DMD: variants seen among roughly 807,000 people sequenced by gnomAD.
The protein encoded by DMD is dystrophin.
In DMD, 63 loss-of-function variants were observed where a neutral mutation model predicts 330.1. That is an observed-to-expected ratio of 0.19 (90% CI 0.16 to 0.24). The LOEUF (loss-of-function observed/expected upper bound fraction) is 0.24. Among genes scored for constraint, DMD ranks in the 10% least tolerant of loss-of-function variants. The probability of loss-of-function intolerance (pLI) is 1.00; values close to 1 mark genes in which losing one functional copy is unlikely to be tolerated. For synonymous variants in DMD, 1,223 were observed against 959.8 expected, an observed-to-expected ratio of 1.27 and a Z score of -5.07; for missense variants, 3,344 against 2,684.1, an observed-to-expected ratio of 1.25 and a Z score of -5.43.
intron 43 of DMD, among the ~76,000 whole-genome samples, chrX:32,280,719 G>A (rs2097417598): frequency 1.8e-5 from 2 of 111,938 alleles, no homozygotes; most frequent in Admixed American, 9.5e-5. Context: ...TTATGCATCT[G>A]TCCCTCTAGC....
intron 9 of DMD, among the ~76,000 whole-genome samples, chrX:32,695,888 G>C (rs192510211): frequency 2.7e-4 from 30 of 112,419 alleles, no homozygotes; most frequent in African/African-American, 9.7e-4. Context: ...ACACAGAATA[G>C]TCAGAGAGGA....
chrX:32,446,846 A>C (rs1211726347), intron 27 of DMD, among the ~76,000 whole-genome samples: 2 of 110,616 alleles, frequency 1.8e-5, no homozygotes. Context: ...ATTCCAAACC[A>C]GTGAAAAAGG....
chrX:32,705,395 A>G (rs937038064), intron 7 of DMD, among the ~76,000 whole-genome samples: 57 of 112,208 alleles, frequency 5.1e-4, no homozygotes, highest in Non-Finnish European at 1.9e-5. Flanking sequence ...ATAAAAAGTA[A>G]TGGCCTATAT....
intron 51 of DMD, among the ~76,000 whole-genome samples, chrX:31,748,481 T>A (rs1374977535): frequency 8.9e-6 from 1 of 111,875 alleles, no homozygotes; most frequent in Non-Finnish European, 1.9e-5. Context: ...GCCCCTAATA[T>A]CTATCCATTT....
At chrX:31,363,357 A>G (rs1378466925) in intron 60 of DMD, among the ~76,000 whole-genome samples, 3 of 105,354 alleles carry the variant, frequency 2.8e-5, no homozygotes, top group African/African-American at 1.0e-4. Flanking sequence ...CTTTCAGTAC[A>G]CATAAGACAT....
chrX:33,000,360 T>A, intron 2 of DMD, among the ~76,000 whole-genome samples: 1 of 112,380 alleles, frequency 8.9e-6, no homozygotes, highest in South Asian at 3.7e-4. Context: ...TTGTTTCAAA[T>A]TAAGATTTTA....
At chrX:31,510,650 G>A (rs752968308) in intron 55 of DMD, among the ~76,000 whole-genome samples, 1 of 108,782 alleles carries the variant, frequency 9.2e-6, no homozygotes, top group African/African-American at 3.4e-5. Flanking sequence ...TGGGACTATA[G>A]GCGCCCGCCA....
chrX:33,014,923 A>G (rs1284085657), intron 2 of DMD, among the ~76,000 whole-genome samples: 1 of 111,988 alleles, frequency 8.9e-6, no homozygotes, highest in Non-Finnish European at 1.9e-5. Flanking sequence ...TCAATTTTAT[A>G]TTCACCTTTC....
chrX:31,930,092 G>A (rs189399874), intron 46 of DMD, among the ~76,000 whole-genome samples: 33 of 110,947 alleles, frequency 3.0e-4, no homozygotes, highest in African/African-American at 1.1e-3. Flanking sequence ...CAGCCTCTTG[G>A]GTATCATAGC....
rs373380983 is a variant in DMD, at chrX:31,988,354, G to C, written c.6439-19840C>G. Among the ~76,000 whole-genome samples the C allele has an allele frequency of 2.9e-4, 31 of 105,764 alleles. No homozygotes were observed. In the South Asian group the frequency reaches 0.014, roughly 48 times the overall value. The allele number at this position is 105,764 out of a possible 115,157, so 91.8% of individuals were successfully genotyped here. A position where few individuals can be genotyped will look rare whatever the true frequency, so the allele number is the denominator to read the frequency against. On this transcript the variant is annotated intron_variant, in intron 44 of 78. Transcript: ENST00000357033. The stretch of plus-strand genomic sequence containing the variant: ...CCGGACGTGGTGGCGGCCGCCTGTA[G>C]TCCCAGCTACTTGGGAGGCTGAGGC...
At chrX:31,397,468 T>G (rs1469923949) in intron 60 of DMD, among the ~76,000 whole-genome samples, 4 of 112,173 alleles carry the variant, frequency 3.6e-5, no homozygotes, top group Non-Finnish European at 7.5e-5. Context: ...CTGAATTGCT[T>G]TCTCCGACAA....
intron 51 of DMD, among the ~76,000 whole-genome samples, chrX:31,747,243 A>G (rs989372606): frequency 2.7e-5 from 3 of 111,658 alleles, no homozygotes; most frequent in Non-Finnish European, 5.6e-5. Flanking sequence ...TTGCTGTTGT[A>G]AGAGCAAATT....
intron 7 of DMD, among the ~76,000 whole-genome samples, chrX:32,739,105 A>T (rs918365397): frequency 8.9e-6 from 1 of 112,123 alleles, no homozygotes; most frequent in Non-Finnish European, 1.9e-5. Context: ...TTCTTGTAAC[A>T]GTCCTATGGT....
chrX:31,835,870 C>T (rs757536342), intron 49 of DMD, among the ~76,000 whole-genome samples: 3 of 111,427 alleles, frequency 2.7e-5, no homozygotes, highest in Non-Finnish European at 5.7e-5. Context: ...TCATTGTATC[C>T]AAGCCTGCAA....
At chrX:31,634,349 C>T (rs946938927) in intron 54 of DMD, among the ~76,000 whole-genome samples, 7 of 111,690 alleles carry the variant, frequency 6.3e-5, no homozygotes, top group Admixed American at 9.5e-5. Context: ...TAATTGGAAA[C>T]CATGACCTAA....
intron 1 of DMD, among the ~76,000 whole-genome samples, chrX:33,301,936 A>T (rs891169896): frequency 1.8e-5 from 2 of 111,801 alleles, no homozygotes; most frequent in African/African-American, 6.5e-5. Flanking sequence ...TACATACATG[A>T]CACATTTCAT....
chrX:33,009,291 T>C lies in DMD; in HGVS notation c.93+10848A>G, dbSNP rs1163090490. On this transcript the variant is annotated intron_variant, in intron 2 of 78. Transcript: ENST00000357033. ...ATATATACACATATGTGTATGTGTG[T>C]ATATGTGTATATACACATGTGTGTA... Among the ~76,000 whole-genome samples, 225 of 54,230 alleles carry C rather than the reference T, an allele frequency of 4.1e-3. 29 individuals are homozygous for C. The highest frequency in any genetic ancestry group is 0.01 in the African/African-American group (153 of 14,695). 47.1% of individuals were successfully genotyped at this position (54,230 alleles called of 115,157 possible).
chrX:32,112,569 A>G (rs1411270012), intron 44 of DMD, among the ~76,000 whole-genome samples: 3 of 111,741 alleles, frequency 2.7e-5, no homozygotes, highest in Non-Finnish European at 5.6e-5. Flanking sequence ...ATGGTAAGGA[A>G]TGTAGATATT....
intron 1 of DMD, among the ~76,000 whole-genome samples, chrX:33,304,219 T>C (rs2053716038): frequency 1.8e-5 from 2 of 111,022 alleles, no homozygotes; most frequent in South Asian, 3.8e-4. Flanking sequence ...AAAACAGAGA[T>C]ACAGATCAAT....
Sources: gnomAD v4.1 joint callset for allele counts (sites outside exome capture counted in the v4.1 genomes callset) on GRCh38, gnomAD v4.1.1 for gene constraint, MANE v1.5 for transcripts, NCBI Gene and HGNC (gene_info 2026-07-23, HGNC 2026-07-21) for gene names.